Variants in CHST9 observed in about 807,000 individuals in gnomAD.
The protein encoded by CHST9 is carbohydrate sulfotransferase 9, also known as GalNAc-4-sulfotransferase 2.
A neutral mutation model predicts 44.4 loss-of-function variants in CHST9; 41 were observed. That is an observed-to-expected ratio of 0.92 (90% confidence interval 0.72 to 1.20). The LOEUF (loss-of-function observed/expected upper bound fraction) is 1.20. Among genes scored for constraint, CHST9 ranks in the 50% most tolerant of loss-of-function variants. CHST9 has a pLI of 0.00. For synonymous variants in CHST9, 171 were observed against 178.4 expected, an observed-to-expected ratio of 0.96 and a Z score of 0.33; for missense variants, 504 against 516.5, an observed-to-expected ratio of 0.98 and a Z score of 0.23.
chr18:26,963,682 A>G (rs2056429192), intron 4 of CHST9, among the ~76,000 whole-genome samples: 1 of 152,208 alleles, frequency 6.6e-6, no homozygotes, highest in Non-Finnish European at 1.5e-5. Context: ...GTAAGATCAC[A>G]AACTTGGGTG....
chr18:27,179,049 T>C (rs1034193530), intron 1 of CHST9, among the ~76,000 whole-genome samples: 2 of 147,214 alleles, frequency 1.4e-5, no homozygotes, highest in Non-Finnish European at 3.0e-5. Context: ...TATATACATA[T>C]ACGTACATGC....
intron 2 of CHST9, among the ~76,000 whole-genome samples, chr18:27,105,199 T>C (rs1333293112): frequency 6.6e-6 from 1 of 152,130 alleles, no homozygotes; most frequent in Non-Finnish European, 1.5e-5. Flanking sequence ...CCTTTCACTT[T>C]TCTTTACTCA....
chr18:27,022,816 T>C (rs1352123599), intron 4 of CHST9, among the ~76,000 whole-genome samples: 2 of 152,248 alleles, frequency 1.3e-5, no homozygotes, highest in African/African-American at 2.4e-5. Flanking sequence ...CTTTGTTTTT[T>C]GGGATAACAC....
At chr18:27,155,009 G>C (rs552404105) in intron 1 of CHST9, among the ~76,000 whole-genome samples, 1 of 151,694 alleles carries the variant, frequency 6.6e-6, no homozygotes, top group East Asian at 1.9e-4. Context: ...TTGAGCCTGG[G>C]AGGTGGAGGT....
intron 1 of CHST9, among the ~76,000 whole-genome samples, chr18:27,160,095 C>G (rs2058733506): frequency 6.6e-6 from 1 of 152,098 alleles, no homozygotes; most frequent in Non-Finnish European, 1.5e-5. Context: ...ATTGAATACC[C>G]TTTATTTCCT....
intron 1 of CHST9, among the ~76,000 whole-genome samples, chr18:27,145,268 C>T (rs1598755403): frequency 6.6e-6 from 1 of 152,068 alleles, no homozygotes; most frequent in African/African-American, 2.4e-5. Flanking sequence ...CTTGGCTCGC[C>T]GCAACCTCCA....
chr18:26,925,579 T>G (rs11662750), intron 5 of CHST9, among the ~76,000 whole-genome samples: 64,316 of 151,870 alleles, frequency 0.42, 14,093 homozygotes, highest in East Asian at 0.7. Flanking sequence ...TTACAAGAGA[T>G]AATGGTCGTT....
intron 2 of CHST9, among the ~76,000 whole-genome samples, chr18:27,142,397 T>C (rs2058575323): frequency 6.6e-6 from 1 of 152,202 alleles, no homozygotes; most frequent in Admixed American, 6.5e-5. Context: ...GTAGGATAAA[T>C]GCTATACTTT....
intron 5 of CHST9, among the ~76,000 whole-genome samples, chr18:26,927,730 A>AG (rs369670433): frequency 7.9e-5 from 2 of 25,262 alleles, no homozygotes; most frequent in African/African-American, 3.8e-4. Flanking sequence ...CTCAGGGATG[A>AG]CAGGGATGAG....
In CHST9 at chr18:27,170,853, T is replaced by C. The variant is rs1482539351; in HGVS notation, c.-97+14283A>G. Among the ~76,000 whole-genome samples the C allele has an allele frequency of 5.3e-5, 8 of 152,348 alleles. No homozygotes were observed. The South Asian group carries it at 8.3e-4, about 16-fold the overall frequency. ...AGCTTAATATAGATTTTTGTACAAATAATATTAGTCCCAAAAGGCTGTCCA... is the reference window on the plus strand; with the variant it reads ...AGCTTAATATAGATTTTTGTACAAACAATATTAGTCCCAAAAGGCTGTCCA... On this transcript the variant is annotated intron_variant, in intron 1 of 5. Transcript: ENST00000618847.
At chr18:26,958,081 T>A (rs1310734402) in intron 4 of CHST9, among the ~76,000 whole-genome samples, 2 of 150,998 alleles carry the variant, frequency 1.3e-5, no homozygotes, top group African/African-American at 4.9e-5. Flanking sequence ...ACATGGGGTT[T>A]CTCCATGTCA....
chr18:26,953,367 G>C (rs1167808301), intron 4 of CHST9, among the ~76,000 whole-genome samples: 1 of 152,052 alleles, frequency 6.6e-6, no homozygotes, highest in Non-Finnish European at 1.5e-5. Flanking sequence ...GGCAGGTCTG[G>C]GTCAATTGCT....
chr18:27,130,932 T>C (rs1040820830), intron 2 of CHST9, among the ~76,000 whole-genome samples: 1 of 152,070 alleles, frequency 6.6e-6, no homozygotes, highest in African/African-American at 2.4e-5. Flanking sequence ...TATAGAGACA[T>C]ACAGGAATGT....
At chr18:27,183,729 T>C (rs2058932060) in intron 1 of CHST9, among the ~76,000 whole-genome samples, 1 of 152,204 alleles carries the variant, frequency 6.6e-6, no homozygotes, top group Non-Finnish European at 1.5e-5. Context: ...GTAATATTGT[T>C]TTGTAAATTT....
chr18:26,975,725 G>GTGTATA (rs1383045273), intron 4 of CHST9, among the ~76,000 whole-genome samples: 238 of 101,752 alleles, frequency 2.3e-3, no homozygotes, highest in South Asian at 6.5e-3. Context: ...GTGTGTGTGT[G>GTGTATA]TATATATATA....
intron 2 of CHST9, among the ~76,000 whole-genome samples, chr18:27,080,620 G>T (rs889265417): frequency 1.3e-5 from 2 of 152,154 alleles, no homozygotes; most frequent in Non-Finnish European, 2.9e-5. Context: ...TGTAAAGAAG[G>T]CATAGGTGGC....
At chr18:26,935,984 G>GATGCCTAGTGACTTTCTATCTCTA (rs1429503980) in intron 5 of CHST9, 1 of 152,128 alleles carries the variant, frequency 6.6e-6, no homozygotes, top group African/African-American at 2.4e-5. Context: ...TCTAGTGGGA[G>GATGCCTAGTGACTTTCTATCTCTA]GTAGAAAACT....
intron 2 of CHST9, among the ~76,000 whole-genome samples, chr18:27,125,607 A>G (rs543024457): frequency 7.2e-5 from 11 of 152,318 alleles, no homozygotes; most frequent in African/African-American, 2.4e-4. Flanking sequence ...GATTCTTGCT[A>G]AAGAGATTCA....
rs576152343 is a variant in CHST9 at position 27,042,773 on chromosome 18, A to C, written c.160+5692T>G. ...CTAAGGATTAAGCTCTTCTCTCTCT[A>C]TCTCTCTCTCTCTCTCCCTCCCTCC... On this transcript the variant is annotated intron_variant, in intron 3 of 5. Coordinates refer to ENST00000618847, the MANE Select transcript of CHST9 (RefSeq NM_031422.6). Among the ~76,000 whole-genome samples the C allele has an allele frequency of 1.8e-3, 261 of 141,922 alleles. 1 individual carries two copies. The highest frequency in any genetic ancestry group is 5.7e-3 in the African/African-American group (219 of 38,726). The allele number at this position is 141,922 out of a possible 152,430, so 93.1% of individuals were successfully genotyped here.
Sources: allele counts gnomAD v4.1 joint callset (sites outside exome capture counted in the v4.1 genomes callset), GRCh38; gene constraint gnomAD v4.1.1; transcripts MANE v1.5; gene names NCBI Gene and HGNC (gene_info 2026-07-23, HGNC 2026-07-21).